Variants in DCHS1 observed in about 807,000 individuals in gnomAD.
DCHS1 encodes the protein dachsous cadherin-related 1.
A neutral mutation model predicts 213.9 loss-of-function variants in DCHS1; 78 were observed. That is an observed-to-expected ratio of 0.36 (90% confidence interval 0.30 to 0.44). The LOEUF is 0.44. Among genes scored for constraint, DCHS1 ranks in the 20% least tolerant of loss-of-function variants. The pLI, the probability that DCHS1 is intolerant of heterozygous loss-of-function variation, is 1.00. For synonymous variants in DCHS1, 1,828 were observed against 1,873.7 expected, an observed-to-expected ratio of 0.98 and a Z score of 0.63; for missense variants, 3,946 against 4,395.9, an observed-to-expected ratio of 0.90 and a Z score of 2.89.
Position 6,629,770 on chromosome 11 carries a change from G to A in DCHS1, c.4937C>T (p.Ala1646Val), listed in dbSNP as rs771284776. 6.2e-7 allele frequency: 1 copy of A among 1,613,716 alleles called. No individual in the cohort carries two copies. Among genetic ancestry groups the A allele is most frequent in the Non-Finnish European group, 8.5e-7 (1 of 1,179,900 alleles). ...TVSVADVNDE[A>V]PTFQQQEYSV... is the part of the protein sequence containing the mutation. ...GTACTCCTGCTGCTGGAAAGTAGGC[G>A]CCTCGTCGTTGACGTCAGCGACACT... The change falls in exon 11 of 21, where the codon GCG (alanine) becomes GTG (valine). Residue 1646 changes from alanine (A) to valine (V), a missense_variant. This residue lies in a region of DCHS1 where 3,384 missense variants were observed against 3,780.1 expected (regional missense o/e 0.90). Transcript: ENST00000299441.
At position 6,622,059 on chromosome 11, in the gene DCHS1, G is replaced by A. The variant is rs200088487; in HGVS notation, c.9617C>T (p.Thr3206Ile). 3.5e-4 allele frequency: 569 copies of A among 1,612,218 alleles called. No homozygotes were observed. The highest frequency in any genetic ancestry group is 4.7e-4 in the Non-Finnish European group (557 of 1,179,266). Residue 3206 changes from threonine to isoleucine, a missense_variant, in exon 21 of 21, where the codon ACT becomes ATT. Thr to Ile is a moderately conservative substitution (Grantham distance 89). Transcript: ENST00000299441. The surrounding 1 kb of genome is among the most constrained non-coding windows in gnomAD (Gnocchi z 5.4). ...APRIDPPPLI[T>I]AVAHPGAKSV... ...CTTGGCTCCTGGGTGGGCCACGGCA[G>A]TGATGAGGGGTGGTGGGTCGATACG...
At position 6,627,434 on chromosome 11, in the gene DCHS1, G is replaced by A. The variant is rs139005467; in HGVS notation, c.5605C>T (p.Pro1869Ser). ...AGCTGCAGCAGCAGGGTCCCTGCAG[G>A]CACATCCTCCGGCACCTCCACCGAG... ...AYSVEVPEDV[P>S]AGTLLLQLQA... The change falls in exon 14 of 21, where the codon CCT becomes TCT. Residue 1869 changes from proline (P) to serine (S), a missense_variant. Pro to Ser is a moderately conservative substitution (Grantham distance 74, BLOSUM62 -1). Coordinates refer to ENST00000299441, the MANE Select transcript of DCHS1 (RefSeq NM_003737.4). This position sits in a 1 kb window ranked among gnomAD's most constrained non-coding sequence, Gnocchi z 5.4. 2.5e-6 allele frequency: 4 copies of A among 1,610,580 alleles called. No homozygotes were observed. The highest frequency in any genetic ancestry group is 3.4e-6 in the Non-Finnish European group (4 of 1,178,560).
Position 6,625,937 on chromosome 11 carries a change from C to G in DCHS1, c.6714G>C (p.Glu2238Asp). Residue 2238 changes from glutamate to aspartate, a missense_variant, in exon 17 of 21, where the codon GAG becomes GAC. Transcript: ENST00000299441. This position sits in a 1 kb window ranked among gnomAD's most constrained non-coding sequence, Gnocchi z 5.3. ...TITTTAILDR[E>D]IWAETRLVLM... is the part of the protein sequence containing the mutation. Reference sequence around the variant, plus strand: ...GGCCTCACCGTGTTTCAGCCCAGATCTCACGGTCCAGGATGGCTGTGGTAG... The same window carrying G: ...GGCCTCACCGTGTTTCAGCCCAGATGTCACGGTCCAGGATGGCTGTGGTAG... The G allele has an allele frequency of 1.2e-6, 2 of 1,613,562 alleles. No individual in the cohort carries two copies. The highest frequency in any genetic ancestry group is 1.7e-6 in the Non-Finnish European group (2 of 1,179,722).
In DCHS1 at chr11:6,632,096, C is replaced by T. The variant is rs777617608; in HGVS notation, c.3416G>A (p.Arg1139His). The change falls in exon 6 of 21, where the codon CGT becomes CAT. Residue 1139 changes from arginine to histidine, a missense_variant. Around this residue, in one of 3 missense-constraint regions of DCHS1, gnomAD observed 3,384 missense variants for 3,780.1 expected, o/e 0.90. Transcript: ENST00000299441. The surrounding 1 kb of genome is among the most constrained non-coding windows in gnomAD (Gnocchi z 5.9). ...CAGCTGTTGCAGGCTGTAGGTCAGA[C>T]GTCCATTGGGTCCTGAGTCTCGGTC... is the stretch of plus-strand genomic sequence containing the variant. The part of the protein sequence containing the change: ...ATDRDSGPNG[R>H]LTYSLQQLSE... 1.3e-5 allele frequency: 20 copies of T among 1,549,980 alleles called. No homozygotes were observed. The East Asian group carries it at 2.3e-4, about 18-fold the overall frequency.
rs1030713981 is a variant in DCHS1 at position 6,626,052 on chromosome 11, T to G, written c.6599A>C (p.Gln2200Pro). Residue 2200 changes from glutamine to proline, a missense_variant, in exon 17 of 21, where the codon CAA (glutamine) becomes CCA (proline). Around this residue, in one of 3 missense-constraint regions of DCHS1, gnomAD observed 3,384 missense variants for 3,780.1 expected, o/e 0.90. Transcript: ENST00000299441. The surrounding 1 kb of genome is among the most constrained non-coding windows in gnomAD (Gnocchi z 5.2). ...GTAGGAAATCTGTCCTCCAGAGCCT[T>G]GATCCAGGTCATCCGCCTCCACCTG... ...LLQVEADDLD[Q>P]GSGGQISYSL... 14 of 1,611,432 alleles carry G rather than the reference T, an allele frequency of 8.7e-6. No individual in the cohort carries two copies. Among genetic ancestry groups the G allele is most frequent in the African/African-American group, 1.3e-5 (1 of 74,866 alleles).
intron 2 of DCHS1, among the ~76,000 whole-genome samples, chr11:6,639,039 A>T (rs1856025674): frequency 6.6e-6 from 1 of 151,810 alleles, no homozygotes; most frequent in Non-Finnish European, 1.5e-5. Context: ...TGAACCCAGG[A>T]GGCAGACTTG....
chr11:6,631,889 TG>T, intron 6 of DCHS1, 80 bp from the exon 7 acceptor site: 1 of 1,455,968 alleles, frequency 6.9e-7, no homozygotes. Flanking sequence ...AGCTGGTGTT[TG>T]GGGAGTGGGG....
chr11:6,624,098 G>A lies in DCHS1; in HGVS notation c.7578C>T (p.Asn2526=). Residue 2526 remains asparagine (N), a synonymous_variant, in exon 21 of 21, where the codon AAC becomes AAT. Coordinates refer to ENST00000299441, the MANE Select transcript of DCHS1 (RefSeq NM_003737.4). ...GTTCCAGCTGGAAGACTCGGCCCCA[G>A]TTGCCACTGATGATGCTGTAGTCCA... ...AAVDYSIISG[N]WGRVFQLEPR... 1 of 1,612,130 alleles carries A rather than the reference G, an allele frequency of 6.2e-7. No individual in the cohort carries two copies. The highest frequency in any genetic ancestry group is 8.5e-7 in the Non-Finnish European group (1 of 1,179,242).
rs775669672 is a variant in DCHS1, at chr11:6,623,718, T to A, written c.7958A>T (p.Asp2653Val). The change falls in exon 21 of 21, where the codon GAT becomes GTT. Residue 2653 changes from aspartate to valine, a missense_variant. Asp to Val is a radical substitution (Grantham distance 152). Coordinates refer to ENST00000299441, the MANE Select transcript of DCHS1 (RefSeq NM_003737.4). ...CAGTCGCAAGGTGCCTGAGCTCTCA[T>A]CCAGCTCAAAGAGCCCTGATGGGTC... Reference protein sequence around the residue: ...SGDPSGLFELDESSGTLRLAH... With the variant: ...SGDPSGLFELVESSGTLRLAH... 1.4e-5 allele frequency: 23 copies of A among 1,613,732 alleles called. No homozygotes were observed. Among genetic ancestry groups the A allele is most frequent in the Non-Finnish European group, 1.9e-5 (23 of 1,179,910 alleles).
Position 6,624,140 on chromosome 11 carries a change from G to A in DCHS1, c.7536C>T (p.Ser2512=). 3.1e-6 allele frequency: 5 copies of A among 1,611,870 alleles called. No homozygotes were observed. Among genetic ancestry groups the A allele is most frequent in the Non-Finnish European group, 4.2e-6 (5 of 1,179,180 alleles). ...LTLEATDADG[S]RSHAAVDYSI... ...TGTAGTCCACAGCGGCATGGCTGCG[G>A]CTTCCATCAGCATCTGTAGCCTCCA... The change falls in exon 21 of 21, where the codon AGC becomes AGT. Residue 2512 remains serine (S), a synonymous_variant. Transcript: ENST00000299441.
Position 6,640,907 on chromosome 11 carries a change from C to T in DCHS1, c.707G>A (p.Arg236Lys). 1 of 1,614,026 alleles carries T rather than the reference C, an allele frequency of 6.2e-7. No individual in the cohort carries two copies. The highest frequency in any genetic ancestry group is 8.5e-7 in the Non-Finnish European group (1 of 1,179,894). Residue 236 changes from arginine to lysine, a missense_variant, in exon 2 of 21, where the codon AGG becomes AAG. Coordinates refer to ENST00000299441, the MANE Select transcript of DCHS1 (RefSeq NM_003737.4). The surrounding 1 kb of genome is among the most constrained non-coding windows in gnomAD (Gnocchi z 6.5). ...TGTCACGTCCAGCAGGGCCTGGGCC[C>T]TCCGGGGGGGTGAACCACCATCATA... The part of the protein sequence containing the change: ...EAYDGGSPPR[R>K]AQALLDVTLL...
At chr11:6,648,770 T>C (rs974376985) in intron 1 of DCHS1, among the ~76,000 whole-genome samples, 4 of 152,138 alleles carry the variant, frequency 2.6e-5, no homozygotes, top group African/African-American at 9.7e-5. Context: ...CATTTATAAA[T>C]AAGGACAATA....
intron 1 of DCHS1, among the ~76,000 whole-genome samples, chr11:6,649,439 T>A (rs1489866054): frequency 4.0e-5 from 6 of 150,972 alleles, no homozygotes; most frequent in African/African-American, 1.5e-4. Flanking sequence ...CAGGTGAGCA[T>A]GGGGGCAGGT....
Position 6,622,220 on chromosome 11 carries a change from G to A in DCHS1, c.9456C>T (p.Ala3152=), listed in dbSNP as rs750572199. 10 of 1,600,472 alleles carry A rather than the reference G, an allele frequency of 6.2e-6. No individual in the cohort carries two copies. Among genetic ancestry groups the A allele is most frequent in the African/African-American group, 1.3e-5 (1 of 74,720 alleles). Residue 3152 remains alanine (A), a synonymous_variant, in exon 21 of 21, where the codon GCC becomes GCT. Transcript: ENST00000299441. The surrounding 1 kb of genome is among the most constrained non-coding windows in gnomAD (Gnocchi z 5.4). Reference sequence around the variant, plus strand: ...AGCTGCCACGGAGCTCCTCCTCGCCGGCCACAATGGCTGTCAGCGCACCTG... The same window carrying A: ...AGCTGCCACGGAGCTCCTCCTCGCCAGCCACAATGGCTGTCAGCGCACCTG... ...CVAGALTAIV[A]GEEELRGSYN...
chr11:6,631,530 A>G, intron 7 of DCHS1, 86 bp downstream of exon 7: 1 of 1,570,876 alleles, frequency 6.4e-7, no homozygotes, highest in South Asian at 1.2e-5. Flanking sequence ...TCCAGGAGGC[A>G]GTCTCTTACC....
intron 1 of DCHS1, among the ~76,000 whole-genome samples, chr11:6,650,282 G>C (rs566846713): frequency 3.9e-4 from 59 of 152,336 alleles, no homozygotes; most frequent in African/African-American, 1.3e-3. Flanking sequence ...GAAGTTCCAG[G>C]TGGACCTCCT....
chr11:6,652,035 T>C lies in DCHS1; in HGVS notation c.-121+3528A>G, dbSNP rs529300274. Among the ~76,000 whole-genome samples the C allele has an allele frequency of 7.2e-5, 11 of 151,942 alleles. 1 individual carries two copies. Among genetic ancestry groups the C allele is most frequent in the African/African-American group, 2.4e-4 (10 of 41,426 alleles). ...TAGAGGTGTGTATACAGTGAGACAATAAGAAGGTCCAAGCCAGAACTTTAA... is the reference window on the plus strand; with the variant it reads ...TAGAGGTGTGTATACAGTGAGACAACAAGAAGGTCCAAGCCAGAACTTTAA... On this transcript the variant is annotated intron_variant, in intron 1 of 20. Coordinates refer to ENST00000299441, the MANE Select transcript of DCHS1 (RefSeq NM_003737.4).
chr11:6,626,561 G>T lies in DCHS1; in HGVS notation c.6355C>A (p.Pro2119Thr), dbSNP rs772150438. 17 of 1,613,824 alleles carry T rather than the reference G, an allele frequency of 1.1e-5. No homozygotes were observed. In the African/African-American group the frequency reaches 2.3e-4, roughly 22 times the overall value. ...GNEKGTFSIQ[P>T]STGAITVRSA... ...TGCTCCTATTTCTTACCTGTACTAG[G>T]CTGGATGGAGAATGTCCCTTTCTCA... The change falls in exon 15 of 21, where the codon CCT becomes ACT. Residue 2119 changes from proline (P) to threonine (T), a missense_variant. Pro to Thr is a conservative substitution (Grantham distance 38). This residue lies in a region of DCHS1 where 3,384 missense variants were observed against 3,780.1 expected (regional missense o/e 0.90). Coordinates refer to ENST00000299441, the MANE Select transcript of DCHS1 (RefSeq NM_003737.4). The surrounding 1 kb of genome is among the most constrained non-coding windows in gnomAD (Gnocchi z 5.2).
intron 1 of DCHS1, among the ~76,000 whole-genome samples, chr11:6,647,199 G>C (rs1856172672): frequency 6.6e-6 from 1 of 152,126 alleles, no homozygotes; most frequent in Non-Finnish European, 1.5e-5. Context: ...AGTGAGAAGA[G>C]GTTCTGGTAG....
Sources: gnomAD v4.1 joint callset for allele counts (sites outside exome capture counted in the v4.1 genomes callset) on GRCh38, gnomAD v4.1.1 for gene constraint, gnomAD v4.1.1 regional missense constraint, Gnocchi (gnomAD v3.1) non-coding constraint, MANE v1.5 for transcripts, NCBI Gene and HGNC (gene_info 2026-07-23, HGNC 2026-07-21) for gene names.